The following NBAS variants were observed in gnomAD, a reference collection of about 807,000 sequenced individuals.
NBAS encodes NBAS subunit of NRZ tethering complex.
Under a neutral mutation model 302.5 loss-of-function variants are expected in NBAS, and 219 were observed. The observed-to-expected ratio is 0.72, with a 90% CI of 0.65 to 0.81. The LOEUF is 0.81. Ranked by LOEUF, NBAS falls within the 30% of genes least tolerant of loss-of-function variation. NBAS has a pLI of 0.00. For missense variants in NBAS, 2,932 were observed against 2,841.6 expected, an observed-to-expected ratio of 1.03 and a Z score of -0.72; for synonymous variants, 1,118 against 1,021.6, an observed-to-expected ratio of 1.09 and a Z score of -1.80.
the NBAS span, among the ~76,000 whole-genome samples, chr2:14,992,679 G>A: frequency 2.0e-5 from 3 of 152,324 alleles, no homozygotes; most frequent in South Asian, 6.2e-4. Context: ...AGGAGGCCCA[G>A]ACATTCTGCA....
intron 44 of NBAS, among the ~76,000 whole-genome samples, chr2:15,253,677 C>G (rs1040536024): frequency 2.0e-5 from 3 of 152,172 alleles, no homozygotes; most frequent in Non-Finnish European, 4.4e-5. Context: ...TGACAACAGC[C>G]TTCAACTAAC....
chr2:14,803,043 A>G, the NBAS span, among the ~76,000 whole-genome samples: 1 of 152,150 alleles, frequency 6.6e-6, no homozygotes, highest in Non-Finnish European at 1.5e-5. Context: ...GTATAATAAA[A>G]AAAATAAAAA....
At position 15,242,840 on chromosome 2, in the gene NBAS, AAAGAT is replaced by A. The variant is rs1667926253; in HGVS notation, c.5725-4159_5725-4155del. Among the ~76,000 whole-genome samples the A allele has an allele frequency of 2.0e-5, 3 of 152,308 alleles. No homozygotes were observed. In the South Asian group the frequency reaches 6.2e-4, roughly 32 times the overall value. ...AAAATAATAATGGATTTTTTGAAAT[AAAGAT>A]AAGTGGCTAAACCGTTTCATCAGTT... On this transcript the variant is annotated intron_variant, in intron 44 of 51. Transcript: ENST00000281513.
chr2:15,238,560 A>C lies in NBAS; in HGVS notation c.5851T>G (p.Tyr1951Asp). ...TCCAGATGATTCAAAGTATCTGCATAGGTAACTTTAGAATCCTTAGCTTCT... is the reference window on the plus strand; with the variant it reads ...TCCAGATGATTCAAAGTATCTGCATCGGTAACTTTAGAATCCTTAGCTTCT... ...AQEAKDSKVT[Y>D]ADTLNHLEKS... The change falls in exon 45 of 52, where the codon TAT becomes GAT. Residue 1951 changes from tyrosine to aspartate, a missense_variant. Tyr to Asp is a radical substitution (Grantham distance 160). Coordinates refer to ENST00000281513, the MANE Select transcript of NBAS (RefSeq NM_015909.4). 1 of 1,614,164 alleles carries C rather than the reference A, an allele frequency of 6.2e-7. No individual in the cohort carries two copies.
intron 23 of NBAS, 84 bp downstream of exon 23, chr2:15,424,231 C>T: frequency 6.7e-7 from 1 of 1,492,292 alleles, no homozygotes; most frequent in Non-Finnish European, 9.3e-7. Context: ...GCACTGCTGT[C>T]AGCCCCGACT....
the NBAS span, among the ~76,000 whole-genome samples, chr2:14,813,773 C>T: frequency 6.6e-6 from 1 of 152,144 alleles, no homozygotes; most frequent in Non-Finnish European, 1.5e-5. Flanking sequence ...CAGAATTTTA[C>T]ATAAGTAAAG....
At chr2:15,082,388 A>G in the NBAS span, among the ~76,000 whole-genome samples, 13 of 152,134 alleles carry the variant, frequency 8.5e-5, no homozygotes, top group African/African-American at 2.9e-4. Context: ...CTCTACCCTA[A>G]CGACTCCTCT....
At chr2:15,309,080 G>T in intron 39 of NBAS, 91 bp downstream of exon 39, 1 of 793,950 alleles carries the variant, frequency 1.3e-6, no homozygotes, top group Non-Finnish European at 2.0e-6. Context: ...GGAGGAAATG[G>T]CATGCAATAA....
intron 2 of NBAS, 95 bp downstream of exon 2, chr2:15,558,485 A>G: frequency 1.2e-6 from 1 of 856,794 alleles, no homozygotes; most frequent in Non-Finnish European, 1.9e-6. Context: ...CTCAGATAAC[A>G]CACATTACTT....
At chr2:15,395,697 G>A (rs929535737) in intron 27 of NBAS, among the ~76,000 whole-genome samples, 7 of 151,996 alleles carry the variant, frequency 4.6e-5, no homozygotes, top group African/African-American at 1.7e-4. Flanking sequence ...GTAAAGTAAT[G>A]TTATTAGCTA....
At chr2:14,882,376 G>A in the NBAS span, among the ~76,000 whole-genome samples, 2 of 152,140 alleles carry the variant, frequency 1.3e-5, no homozygotes, top group African/African-American at 2.4e-5. Flanking sequence ...ATAATTATAA[G>A]AGGGGATGAA....
chr2:15,344,188 A>G (rs1672982479), intron 35 of NBAS, among the ~76,000 whole-genome samples: 1 of 152,018 alleles, frequency 6.6e-6, no homozygotes, highest in Non-Finnish European at 1.5e-5. Flanking sequence ...AAATATCATA[A>G]TGAGATAGCA....
chr2:15,372,673 A>G (rs1674544520), intron 31 of NBAS, among the ~76,000 whole-genome samples: 1 of 152,212 alleles, frequency 6.6e-6, no homozygotes, highest in South Asian at 2.1e-4. Flanking sequence ...CCAAATCAAT[A>G]TATCAAGCTG....
the NBAS span, among the ~76,000 whole-genome samples, chr2:14,923,722 G>A: frequency 6.6e-6 from 1 of 152,212 alleles, no homozygotes; most frequent in South Asian, 2.1e-4. Context: ...GCCCCACAAA[G>A]CATGCATTCT....
chr2:15,460,544 C>G (rs767472304), intron 21 of NBAS, among the ~76,000 whole-genome samples: 16 of 152,276 alleles, frequency 1.1e-4, no homozygotes, highest in Admixed American at 3.3e-4. Flanking sequence ...GGCAAATGGT[C>G]TGTTTTTGAG....
the NBAS span, among the ~76,000 whole-genome samples, chr2:14,796,404 T>G: frequency 1.3e-5 from 2 of 152,252 alleles, no homozygotes; most frequent in Non-Finnish European, 2.9e-5. Context: ...TGATTGAGTT[T>G]ACCTTGACTC....
the NBAS span, among the ~76,000 whole-genome samples, chr2:14,910,315 A>G: frequency 6.6e-6 from 1 of 152,236 alleles, no homozygotes; most frequent in Non-Finnish European, 1.5e-5. Context: ...AGGATGAAAC[A>G]TAATTCAAAT....
chr2:15,144,067 A>C, the NBAS span, among the ~76,000 whole-genome samples: 1 of 115,828 alleles, frequency 8.6e-6, no homozygotes, highest in Non-Finnish European at 1.7e-5. Context: ...ATATATATAT[A>C]TCTCCCATTA....
the NBAS span, among the ~76,000 whole-genome samples, chr2:14,909,809 T>C: frequency 2.6e-5 from 4 of 152,036 alleles, no homozygotes; most frequent in African/African-American, 9.7e-5. Flanking sequence ...GAAGGGAAGG[T>C]GAGGGCCAGT....
Sources: gnomAD v4.1 joint callset for allele counts (sites outside exome capture counted in the v4.1 genomes callset) on GRCh38, gnomAD v4.1.1 for gene constraint, MANE v1.5 for transcripts, NCBI Gene and HGNC (gene_info 2026-07-23, HGNC 2026-07-21) for gene names.